PRKG1: variants seen among roughly 807,000 people sequenced by gnomAD.
PRKG1 encodes the protein protein kinase cGMP-dependent 1.
PRKG1 carries 35 observed loss-of-function variants against 88.1 expected under a neutral mutation model. That is an observed-to-expected ratio of 0.40 (90% CI 0.30 to 0.53). The LOEUF is 0.53. Among genes scored for constraint, PRKG1 ranks in the 20% least tolerant of loss-of-function variants. PRKG1 has a pLI of 0.59. For missense variants in PRKG1, 540 were observed against 839.8 expected (o/e 0.64, Z 4.41); for synonymous variants, 303 against 292.5 (o/e 1.04, Z -0.37).
intron 1 of PRKG1, among the ~76,000 whole-genome samples, chr10:51,087,501 T>G (rs184788306): frequency 2.6e-5 from 4 of 152,186 alleles, no homozygotes; most frequent in African/African-American, 7.2e-5. Context: ...AGTGCTGCAA[T>G]GCAGGGTTAT....
intron 3 of PRKG1, among the ~76,000 whole-genome samples, chr10:51,672,534 C>A (rs1840610501): frequency 6.6e-6 from 1 of 151,854 alleles, no homozygotes; most frequent in Admixed American, 6.6e-5. Flanking sequence ...ACATCATAAA[C>A]ATTGCTATTT....
intron 1 of PRKG1, among the ~76,000 whole-genome samples, chr10:51,004,411 A>T (rs574361775): frequency 6.6e-6 from 1 of 152,330 alleles, no homozygotes; most frequent in South Asian, 2.1e-4. Context: ...GTGAGCCAAG[A>T]TTGTGCCATT....
chr10:51,569,965 G>C (rs1201840343), intron 3 of PRKG1, among the ~76,000 whole-genome samples: 2 of 150,898 alleles, frequency 1.3e-5, no homozygotes, highest in Non-Finnish European at 2.9e-5. Flanking sequence ...AGAGCATTTT[G>C]ATGTTCCTTT....
At chr10:52,148,634 G>A (rs552381993) in intron 8 of PRKG1, among the ~76,000 whole-genome samples, 6 of 152,228 alleles carry the variant, frequency 3.9e-5, no homozygotes, top group East Asian at 1.9e-4. Context: ...GAGAAGAATC[G>A]GGAAAGTGGG....
intron 5 of PRKG1, among the ~76,000 whole-genome samples, chr10:51,925,379 G>T (rs1386024065): frequency 1.3e-5 from 2 of 152,016 alleles, no homozygotes; most frequent in Non-Finnish European, 2.9e-5. Context: ...CTTTAATATT[G>T]TTATACAGGA....
At chr10:51,490,966 A>G (rs949302228) in intron 3 of PRKG1, among the ~76,000 whole-genome samples, 34 of 152,074 alleles carry the variant, frequency 2.2e-4, no homozygotes, top group Admixed American at 1.3e-4. Flanking sequence ...GGGTTTGGAT[A>G]GAAAGGAACA....
At chr10:51,275,479 G>C (rs959207262) in intron 2 of PRKG1, among the ~76,000 whole-genome samples, 3 of 152,154 alleles carry the variant, frequency 2.0e-5, no homozygotes, top group African/African-American at 7.2e-5. Context: ...CTCATAGCGT[G>C]GTGAGTTGGG....
intron 3 of PRKG1, among the ~76,000 whole-genome samples, chr10:51,520,297 A>G (rs1445718079): frequency 6.7e-6 from 1 of 149,238 alleles, no homozygotes; most frequent in Non-Finnish European, 1.5e-5. Flanking sequence ...AATATATATT[A>G]AATTAAATAG....
chr10:51,835,278 T>C (rs538899185), intron 4 of PRKG1, among the ~76,000 whole-genome samples: 1 of 152,338 alleles, frequency 6.6e-6, no homozygotes, highest in African/African-American at 2.4e-5. Context: ...TCTCCCCTCC[T>C]TCCATTTCAC....
intron 3 of PRKG1, among the ~76,000 whole-genome samples, chr10:51,738,776 C>A (rs1295068949): frequency 6.6e-6 from 1 of 152,162 alleles, no homozygotes; most frequent in Admixed American, 6.5e-5. Context: ...TTCAATCCCC[C>A]CTTTTAAAGT....
At chr10:52,146,612 TATAGCAC>T (rs1837735505) in intron 8 of PRKG1, among the ~76,000 whole-genome samples, 1 of 152,202 alleles carries the variant, frequency 6.6e-6, no homozygotes, top group South Asian at 2.1e-4. Context: ...CAAAGCCTAT[TATAGCAC>T]ATACTTTACC....
chr10:51,338,986 C>T (rs1841942369), intron 2 of PRKG1, among the ~76,000 whole-genome samples: 1 of 151,994 alleles, frequency 6.6e-6, no homozygotes, highest in Non-Finnish European at 1.5e-5. Context: ...TTTGGAAAGC[C>T]CTGGGTAGCA....
chr10:51,536,350 A>T (rs1324407531), intron 3 of PRKG1, among the ~76,000 whole-genome samples: 2 of 152,154 alleles, frequency 1.3e-5, no homozygotes, highest in African/African-American at 2.4e-5. Flanking sequence ...TATTTTGAGA[A>T]GTGTCTCTTC....
At chr10:51,601,534 A>T (rs1838600105) in intron 3 of PRKG1, among the ~76,000 whole-genome samples, 1 of 152,026 alleles carries the variant, frequency 6.6e-6, no homozygotes. Context: ...AACATCATTG[A>T]TGTGTCCAGA....
At chr10:52,200,792 T>A (rs1839644147) in intron 9 of PRKG1, among the ~76,000 whole-genome samples, 1 of 152,208 alleles carries the variant, frequency 6.6e-6, no homozygotes, top group Non-Finnish European at 1.5e-5. Flanking sequence ...TAGATTTGCA[T>A]TTCTCTAATA....
At chr10:51,753,584 G>A (rs1402489978) in intron 3 of PRKG1, among the ~76,000 whole-genome samples, 1 of 152,164 alleles carries the variant, frequency 6.6e-6, no homozygotes, top group Non-Finnish European at 1.5e-5. Flanking sequence ...TGTGGTCAAA[G>A]AGAGTAGAAG....
intron 2 of PRKG1, among the ~76,000 whole-genome samples, chr10:51,421,339 A>C: frequency 6.6e-6 from 1 of 152,006 alleles, no homozygotes; most frequent in East Asian, 1.9e-4. Context: ...TGCCTAGCTA[A>C]TTTTTTAAAA....
At chr10:51,819,626 G>T (rs1564660079) in intron 4 of PRKG1, among the ~76,000 whole-genome samples, 1 of 152,138 alleles carries the variant, frequency 6.6e-6, no homozygotes, top group Non-Finnish European at 1.5e-5. Context: ...AATAAATGGA[G>T]ATAGTGTTTG....
intron 1 of PRKG1, among the ~76,000 whole-genome samples, chr10:51,145,065 A>G (rs1845911079): frequency 1.3e-5 from 2 of 152,252 alleles, no homozygotes; most frequent in African/African-American, 2.4e-5. Context: ...TTAATGATCA[A>G]TTTGAAAATC....
Sources: allele counts gnomAD v4.1 joint callset (sites outside exome capture counted in the v4.1 genomes callset), GRCh38; gene constraint gnomAD v4.1.1; transcripts MANE v1.5; gene names NCBI Gene and HGNC (gene_info 2026-07-23, HGNC 2026-07-21).